LHFPL6: variants seen among roughly 807,000 people sequenced by gnomAD.
LHFPL6 encodes the protein LHFPL tetraspan subfamily member 6, also known as LHFPL tetraspan subfamily member 6 protein.
LHFPL6 carries 9 observed loss-of-function variants against 20.6 expected under a neutral mutation model. That is an observed-to-expected ratio of 0.44 (90% CI 0.26 to 0.76). The LOEUF (loss-of-function observed/expected upper bound fraction) is 0.76. LHFPL6 is among the 30% of genes least tolerant of loss of function. The probability of loss-of-function intolerance (pLI) is 0.20; values close to 1 mark genes in which losing one functional copy is unlikely to be tolerated. For synonymous variants in LHFPL6, 105 were observed against 98.7 expected, an observed-to-expected ratio of 1.06 and a Z score of -0.38; for missense variants, 218 against 253.5, an observed-to-expected ratio of 0.86 and a Z score of 0.95.
chr13:39,499,913 T>C lies in LHFPL6; in HGVS notation c.385+100919A>G, dbSNP rs188706722. Among the ~76,000 whole-genome samples the C allele has an allele frequency of 1.5e-4, 23 of 152,322 alleles. 2 individuals carry two copies. Among genetic ancestry groups the C allele is most frequent in the Admixed American group, 1.4e-3 (21 of 15,292 alleles). ...GTCATGCCTGACACAATCACACACA[T>C]TGTTGACATGACACTCTTACTTGAG... On this transcript the variant is annotated intron_variant, in intron 2 of 3. Coordinates refer to ENST00000379589, the MANE Select transcript of LHFPL6 (RefSeq NM_005780.3).
chr13:39,390,766 G>A (rs957307748), intron 2 of LHFPL6, among the ~76,000 whole-genome samples: 2 of 152,102 alleles, frequency 1.3e-5, no homozygotes, highest in African/African-American at 2.4e-5. Context: ...AGGCCGAGAC[G>A]GGCGGATTGC....
chr13:39,379,248 G>C (rs1446603087), intron 2 of LHFPL6, among the ~76,000 whole-genome samples: 1 of 152,166 alleles, frequency 6.6e-6, no homozygotes, highest in Non-Finnish European at 1.5e-5. Context: ...CTTTCAATTG[G>C]TGAGTCTTTA....
chr13:39,356,392 T>C (rs538939035), intron 3 of LHFPL6, among the ~76,000 whole-genome samples: 1 of 152,316 alleles, frequency 6.6e-6, no homozygotes, highest in South Asian at 2.1e-4. Flanking sequence ...GGACACTTTA[T>C]AACGCAAAAT....
intron 2 of LHFPL6, among the ~76,000 whole-genome samples, chr13:39,408,589 A>C (rs888335776): frequency 6.6e-6 from 1 of 152,248 alleles, no homozygotes; most frequent in African/African-American, 2.4e-5. Context: ...TTTTCATTAT[A>C]GTGCTTTCCT....
At chr13:39,602,713 C>A (rs895417884) in intron 1 of LHFPL6, among the ~76,000 whole-genome samples, 170 bp downstream of exon 1, 3 of 152,208 alleles carry the variant, frequency 2.0e-5, no homozygotes, top group Admixed American at 6.5e-5. Context: ...CAGCACCCCC[C>A]GGAGGCAGAC....
intron 3 of LHFPL6, among the ~76,000 whole-genome samples, chr13:39,359,841 C>T (rs1320562111): frequency 2.0e-5 from 3 of 152,020 alleles, no homozygotes; most frequent in Non-Finnish European, 4.4e-5. Context: ...ACATACAAGG[C>T]TCTTTTGACC....
chr13:39,528,273 G>A (rs1456723725), intron 2 of LHFPL6, among the ~76,000 whole-genome samples: 2 of 152,002 alleles, frequency 1.3e-5, no homozygotes, highest in East Asian at 3.8e-4. Flanking sequence ...CTCTGAATGG[G>A]GATGCTTACT....
chr13:39,522,776 C>CA (rs1190228920), intron 2 of LHFPL6, among the ~76,000 whole-genome samples: 2 of 152,036 alleles, frequency 1.3e-5, no homozygotes, highest in Non-Finnish European at 2.9e-5. Context: ...GAAACCACAC[C>CA]AAAAAAAGTG....
chr13:39,403,634 A>G (rs1477737408), intron 2 of LHFPL6, among the ~76,000 whole-genome samples: 1 of 152,226 alleles, frequency 6.6e-6, no homozygotes, highest in Non-Finnish European at 1.5e-5. Flanking sequence ...ATCGATCAAG[A>G]GCAGAAACTT....
intron 2 of LHFPL6, among the ~76,000 whole-genome samples, chr13:39,534,233 C>T (rs1456726213): frequency 6.6e-6 from 1 of 152,100 alleles, no homozygotes; most frequent in South Asian, 2.1e-4. Context: ...GAACTTGATC[C>T]TGTTCCAATA....
chr13:39,449,705 G>T (rs1326750989), intron 2 of LHFPL6, among the ~76,000 whole-genome samples: 1 of 151,910 alleles, frequency 6.6e-6, no homozygotes, highest in Non-Finnish European at 1.5e-5. Flanking sequence ...CATTATTGTG[G>T]ATACCACTGG....
intron 2 of LHFPL6, among the ~76,000 whole-genome samples, chr13:39,571,131 G>A (rs1871899791): frequency 6.6e-6 from 1 of 152,152 alleles, no homozygotes; most frequent in Admixed American, 6.5e-5. Flanking sequence ...AAATGTTTGT[G>A]ACCACATATT....
chr13:39,344,070 G>A lies in LHFPL6; in HGVS notation c.485-16C>T. 6.3e-7 allele frequency: 1 copy of A among 1,593,476 alleles called. No individual in the cohort carries two copies. Among genetic ancestry groups the A allele is most frequent in the Non-Finnish European group, 8.6e-7 (1 of 1,163,774 alleles). On this transcript the variant is annotated splice_polypyrimidine_tract_variant and intron_variant, in intron 3 of 3. Transcript: ENST00000379589. ...TCACACTTCCCTAAGGACAAAGGAA[G>A]GGGAAAGAAGAAAGTCACAGATGAG...
intron 2 of LHFPL6, among the ~76,000 whole-genome samples, chr13:39,577,306 A>G (rs2324344): frequency 0.76 from 116,154 of 152,086 alleles, 44,989 homozygotes; most frequent in Middle Eastern, 0.85. Context: ...TAAGTGAGAA[A>G]GCAGTGTTCC....
intron 2 of LHFPL6, among the ~76,000 whole-genome samples, chr13:39,389,443 T>C (rs1399092893): frequency 6.6e-6 from 1 of 152,160 alleles, no homozygotes; most frequent in African/African-American, 2.4e-5. Context: ...TTAACTCAAA[T>C]GGGGTCCTGA....
intron 2 of LHFPL6, among the ~76,000 whole-genome samples, chr13:39,390,637 C>A (rs1429040713): frequency 6.6e-6 from 1 of 152,158 alleles, no homozygotes; most frequent in Non-Finnish European, 1.5e-5. Context: ...CCCACTACGC[C>A]ATATAACCAT....
At chr13:39,510,174 C>T (rs542993073) in intron 2 of LHFPL6, among the ~76,000 whole-genome samples, 17 of 152,332 alleles carry the variant, frequency 1.1e-4, no homozygotes, top group African/African-American at 3.1e-4. Context: ...GAGTCCTATA[C>T]AATCAAAGCA....
At chr13:39,380,812 G>A (rs953297556) in intron 2 of LHFPL6, among the ~76,000 whole-genome samples, 1 of 151,982 alleles carries the variant, frequency 6.6e-6, no homozygotes, top group East Asian at 1.9e-4. Context: ...ATTCTTGTAG[G>A]AGCACGAACC....
chr13:39,426,987 G>A (rs1871656917), intron 2 of LHFPL6, among the ~76,000 whole-genome samples: 1 of 149,600 alleles, frequency 6.7e-6, no homozygotes, highest in Non-Finnish European at 1.5e-5. Flanking sequence ...ACATCCAATT[G>A]TTCTAGCTTT....
Sources: gnomAD v4.1 joint callset for allele counts (sites outside exome capture counted in the v4.1 genomes callset) on GRCh38, gnomAD v4.1.1 for gene constraint, MANE v1.5 for transcripts, NCBI Gene and HGNC (gene_info 2026-07-23, HGNC 2026-07-21) for gene names.